CPA6: variants seen among roughly 807,000 people sequenced by gnomAD.
The protein encoded by CPA6 is carboxypeptidase A6.
Under a neutral mutation model 63.3 loss-of-function variants are expected in CPA6, and 58 were observed. That is an observed-to-expected ratio of 0.92 (90% CI 0.74 to 1.14). The LOEUF (loss-of-function observed/expected upper bound fraction) is 1.14. Among genes scored for constraint, CPA6 ranks in the 50% most tolerant of loss-of-function variants. The pLI, the probability that CPA6 is intolerant of heterozygous loss-of-function variation, is 0.00. For synonymous variants in CPA6, 185 were observed against 179.0 expected (o/e 1.03, Z -0.27); for missense variants, 565 against 526.6 (o/e 1.07, Z -0.71).
At chr8:67,543,845 G>A (rs982475251) in intron 2 of CPA6, among the ~76,000 whole-genome samples, 13 of 151,772 alleles carry the variant, frequency 8.6e-5, no homozygotes, top group African/African-American at 2.9e-4. Flanking sequence ...GTGCAGTAGT[G>A]TGATCATAGC....
At chr8:67,580,848 G>C (rs1228338701) in intron 2 of CPA6, among the ~76,000 whole-genome samples, 1 of 152,156 alleles carries the variant, frequency 6.6e-6, no homozygotes, top group Non-Finnish European at 1.5e-5. Context: ...GATTAATAGG[G>C]TGGTAGTCAT....
At position 67,579,583 on chromosome 8, in the gene CPA6, G is replaced by A. The variant is rs574104291; in HGVS notation, c.192+44593C>T. 5.3e-5 allele frequency among the ~76,000 whole-genome samples: 8 copies of A among 152,180 alleles called. No homozygotes were observed. In the South Asian group the frequency reaches 1.2e-3, roughly 24 times the overall value. On this transcript the variant is annotated intron_variant, in intron 2 of 10. Coordinates refer to ENST00000297770, the MANE Select transcript of CPA6 (RefSeq NM_020361.5). Reference sequence around the variant, plus strand: ...AAAACCTACACTTAAACTTAATCCCGCAAATACAAATAATATGGGTCAAAC... The same window carrying A: ...AAAACCTACACTTAAACTTAATCCCACAAATACAAATAATATGGGTCAAAC...
intron 1 of CPA6, among the ~76,000 whole-genome samples, chr8:67,644,335 G>A (rs1815666111): frequency 6.6e-6 from 1 of 152,154 alleles, no homozygotes; most frequent in Admixed American, 6.5e-5. Context: ...AGCCAGGATG[G>A]TCTCGATCTC....
At chr8:67,521,160 G>A (rs1239709799) in intron 2 of CPA6, among the ~76,000 whole-genome samples, 4 of 152,246 alleles carry the variant, frequency 2.6e-5, no homozygotes, top group Admixed American at 2.0e-4. Context: ...GCTGCAAGCA[G>A]CCATCTGATA....
intron 1 of CPA6, among the ~76,000 whole-genome samples, chr8:67,693,947 G>A (rs999045852): frequency 6.6e-6 from 1 of 152,192 alleles, no homozygotes; most frequent in Non-Finnish European, 1.5e-5. Flanking sequence ...CCAGTGGTGT[G>A]GAGCAGGTCA....
rs112777642 is a variant in CPA6, at chr8:67,521,651, A to T, written c.193-3604T>A. On this transcript the variant is annotated intron_variant, in intron 2 of 10. Coordinates refer to ENST00000297770, the MANE Select transcript of CPA6 (RefSeq NM_020361.5). ...CAGAGTTCAACTTCGTATGGTTAAGATGAAGAACATGGTGAGATTGTGTCC... is the reference window on the plus strand; with the variant it reads ...CAGAGTTCAACTTCGTATGGTTAAGTTGAAGAACATGGTGAGATTGTGTCC... 5.3e-5 allele frequency among the ~76,000 whole-genome samples: 8 copies of T among 152,274 alleles called. 1 individual carries two copies. The highest frequency in any genetic ancestry group is 1.9e-4 in the East Asian group (1 of 5,184).
At chr8:67,666,424 G>C (rs1197551208) in intron 1 of CPA6, among the ~76,000 whole-genome samples, 2 of 152,234 alleles carry the variant, frequency 1.3e-5, no homozygotes, top group East Asian at 3.9e-4. Flanking sequence ...GAGAGGGGTG[G>C]GGAGGGGGGC....
intron 1 of CPA6, among the ~76,000 whole-genome samples, chr8:67,663,430 C>T (rs552589412): frequency 1.1e-4 from 17 of 152,208 alleles, no homozygotes; most frequent in African/African-American, 4.1e-4. Context: ...CATAGTTAAA[C>T]ATGTGCCACG....
intron 1 of CPA6, among the ~76,000 whole-genome samples, chr8:67,731,617 C>G (rs1817706410): frequency 6.6e-6 from 1 of 152,212 alleles, no homozygotes; most frequent in Non-Finnish European, 1.5e-5. Flanking sequence ...TGAATTTTTA[C>G]TGTTGCCTTA....
At chr8:67,515,940 A>T (rs925749994) in intron 3 of CPA6, among the ~76,000 whole-genome samples, 1 of 152,086 alleles carries the variant, frequency 6.6e-6, no homozygotes, top group African/African-American at 2.4e-5. Flanking sequence ...AAAGACCTTA[A>T]TATCTTCCCT....
chr8:67,630,967 A>C (rs979622326), intron 1 of CPA6, among the ~76,000 whole-genome samples: 5 of 152,200 alleles, frequency 3.3e-5, no homozygotes, highest in African/African-American at 1.2e-4. Context: ...CCCGAGGGGC[A>C]GGGCTTGGGA....
intron 1 of CPA6, among the ~76,000 whole-genome samples, chr8:67,744,994 G>A (rs1326389996): frequency 6.6e-6 from 1 of 152,180 alleles, no homozygotes; most frequent in African/African-American, 2.4e-5. Context: ...GAGAGAAAGA[G>A]AAATACAATT....
intron 6 of CPA6, among the ~76,000 whole-genome samples, chr8:67,490,712 T>C (rs762592702): frequency 6.6e-6 from 1 of 152,154 alleles, no homozygotes; most frequent in Non-Finnish European, 1.5e-5. Context: ...TATGTACATG[T>C]TATAGATCAG....
intron 8 of CPA6, among the ~76,000 whole-genome samples, chr8:67,469,534 A>G (rs1811008285): frequency 6.6e-6 from 1 of 152,208 alleles, no homozygotes; most frequent in Non-Finnish European, 1.5e-5. Flanking sequence ...TGAACCCAGG[A>G]GGCAGAGGTT....
intron 2 of CPA6, among the ~76,000 whole-genome samples, chr8:67,523,531 A>C (rs1812302148): frequency 6.6e-6 from 1 of 152,042 alleles, no homozygotes; most frequent in Non-Finnish European, 1.5e-5. Context: ...TCCATCTCAA[A>C]AAACAAAAAC....
intron 2 of CPA6, among the ~76,000 whole-genome samples, chr8:67,613,829 C>G (rs183734234): frequency 6.6e-6 from 1 of 152,130 alleles, no homozygotes; most frequent in Non-Finnish European, 1.5e-5. Context: ...CATATAAACC[C>G]TGAACACCAG....
chr8:67,676,750 G>A (rs1357787139), intron 1 of CPA6, among the ~76,000 whole-genome samples: 9 of 152,282 alleles, frequency 5.9e-5, no homozygotes, highest in African/African-American at 1.9e-4. Flanking sequence ...TAATTGAAAA[G>A]TTATAGTATA....
Position 67,746,318 on chromosome 8 carries a change from G to C in CPA6, c.-189C>G, listed in dbSNP as rs1424349819. The C allele has an allele frequency of 2.1e-6, 1 of 469,274 alleles. No homozygotes were observed. 29.1% of individuals were successfully genotyped at this position (469,274 alleles called of 1,614,324 possible). ...AAAAAGTTCAGGCAGCTGAGGAAGG[G>C]AAGTTGCTATTACGACTTGGTCTTG... On this transcript the variant is annotated 5_prime_UTR_variant, in exon 1 of 11. Coordinates refer to ENST00000297770, the MANE Select transcript of CPA6 (RefSeq NM_020361.5).
At chr8:67,489,477 A>G (rs1811558672) in intron 6 of CPA6, among the ~76,000 whole-genome samples, 1 of 150,480 alleles carries the variant, frequency 6.6e-6, no homozygotes, top group Non-Finnish European at 1.5e-5. Context: ...TTTTACGTAT[A>G]AATGTTTTTT....
Sources: gnomAD v4.1 joint callset for allele counts (sites outside exome capture counted in the v4.1 genomes callset) on GRCh38, gnomAD v4.1.1 for gene constraint, MANE v1.5 for transcripts, NCBI Gene and HGNC (gene_info 2026-07-23, HGNC 2026-07-21) for gene names.